Variants in GALK2 observed in about 807,000 individuals in gnomAD.
GALK2 encodes N-acetylgalactosamine kinase.
In GALK2, 36 loss-of-function variants were observed where a neutral mutation model predicts 52.4. The observed-to-expected ratio is 0.69, with a 90% CI of 0.53 to 0.91. GALK2 has a LOEUF of 0.91. Among genes scored for constraint, GALK2 ranks in the 40% least tolerant of loss-of-function variants. The pLI, the probability that GALK2 is intolerant of heterozygous loss-of-function variation, is 0.00. For missense variants in GALK2, 579 were observed against 559.1 expected, an observed-to-expected ratio of 1.04 and a Z score of -0.36; for synonymous variants, 176 against 199.1, an observed-to-expected ratio of 0.88 and a Z score of 0.98.
At chr15:49,173,402 A>G (rs1566902065) in intron 1 of GALK2, among the ~76,000 whole-genome samples, 1 of 152,220 alleles carries the variant, frequency 6.6e-6, no homozygotes. Context: ...CTATTCTACC[A>G]GTTGAGCTAG....
At chr15:49,183,887 A>G (rs998100017) in intron 1 of GALK2, among the ~76,000 whole-genome samples, 1 of 151,560 alleles carries the variant, frequency 6.6e-6, no homozygotes, top group African/African-American at 2.4e-5. Flanking sequence ...GGCCTAACAT[A>G]TGGTCTGTTT....
downstream of GALK2, chr15:49,335,413 A>G (rs769228649): frequency 4.4e-6 from 7 of 1,581,634 alleles, no homozygotes; most frequent in Admixed American, 1.7e-5. Flanking sequence ...TATAGCATCA[A>G]CTTACATCCT....
chr15:49,159,263 CTT>C (rs1287290192), intron 1 of GALK2, among the ~76,000 whole-genome samples: 1 of 152,158 alleles, frequency 6.6e-6, no homozygotes, highest in African/African-American at 2.4e-5. Flanking sequence ...CAGTGAATAT[CTT>C]TGAAATTTTA....
chr15:49,201,130 G>T (rs749013847), intron 1 of GALK2, 32 bp from the exon 2 acceptor site: 1 of 1,161,446 alleles, frequency 8.6e-7, no homozygotes, highest in Non-Finnish European at 1.3e-6. Context: ...TCTGTTATAT[G>T]ATATTCTGAA....
Position 49,329,473 on chromosome 15 carries a change from C to CAGAT in GALK2, c.*1315_*1318dup. The CAGAT allele has an allele frequency of 2.0e-6, 2 of 985,166 alleles. No individual in the cohort carries two copies. The highest frequency in any genetic ancestry group is 2.4e-6 in the Non-Finnish European group (2 of 829,718). 61.0% of individuals were successfully genotyped at this position (985,166 alleles called of 1,614,324 possible). On this transcript the variant is annotated 3_prime_UTR_variant, in exon 10 of 10. Coordinates refer to ENST00000560031, the MANE Select transcript of GALK2 (RefSeq NM_002044.4). ...CATTAGCTCATTAATGTTTAACTCA[C>CAGAT]AGATTGGGCATCACCATCTAGAATT...
At chr15:49,358,704 CA>C (rs1199700640) in intron 3 of GALK2, among the ~76,000 whole-genome samples, 4 of 151,246 alleles carry the variant, frequency 2.6e-5, no homozygotes, top group African/African-American at 7.3e-5. Context: ...ATCAAGCTAC[CA>C]ATGACTTTCT....
chr15:49,195,431 G>C (rs182174710), intron 1 of GALK2, among the ~76,000 whole-genome samples: 55 of 152,268 alleles, frequency 3.6e-4, no homozygotes, highest in Admixed American at 3.0e-3. Flanking sequence ...AATAGATTTT[G>C]CACGTTTATT....
intron 7 of GALK2, among the ~76,000 whole-genome samples, chr15:49,287,081 C>G (rs1314931431): frequency 2.6e-5 from 4 of 152,238 alleles, no homozygotes; most frequent in African/African-American, 7.2e-5. Flanking sequence ...TGAGAGTTAA[C>G]TAGAAAAAGG....
chr15:49,224,622 A>G (rs770237979), intron 3 of GALK2, among the ~76,000 whole-genome samples: 34 of 152,196 alleles, frequency 2.2e-4, no homozygotes, highest in Non-Finnish European at 4.3e-4. Flanking sequence ...ACTTTGTGGA[A>G]GATCAGATGG....
chr15:49,304,548 C>A (rs1596038975), intron 8 of GALK2, among the ~76,000 whole-genome samples: 1 of 152,184 alleles, frequency 6.6e-6, no homozygotes, highest in Non-Finnish European at 1.5e-5. Flanking sequence ...ACTGGCATCA[C>A]CCCTATGCTC....
rs960945286 is a variant in GALK2 at position 49,195,037 on chromosome 15, C to G, written c.54-6125C>G. The stretch of plus-strand genomic sequence containing the variant: ...TCTTTATGATGTTGTATCATCTTAT[C>G]CAAAACAGGGATATCTTTTCATTTC... On this transcript the variant is annotated intron_variant, in intron 1 of 9. Coordinates refer to ENST00000560031, the MANE Select transcript of GALK2 (RefSeq NM_002044.4). 2.7e-5 allele frequency: 12 copies of G among 446,852 alleles called. No individual in the cohort carries two copies. In the East Asian group the frequency reaches 8.9e-4, roughly 33 times the overall value. The allele number at this position is 446,852 out of a possible 1,614,324, so 27.7% of individuals were successfully genotyped here. A position where few individuals can be genotyped will look rare whatever the true frequency, so the allele number is the denominator to read the frequency against.
intron 8 of GALK2, among the ~76,000 whole-genome samples, chr15:49,297,210 T>G (rs2034556514): frequency 6.6e-6 from 1 of 152,246 alleles, no homozygotes; most frequent in Non-Finnish European, 1.5e-5. Context: ...ATATGCTTGT[T>G]GGCCATGTGT....
At chr15:49,203,858 C>T (rs556145132) in intron 2 of GALK2, among the ~76,000 whole-genome samples, 57 of 152,242 alleles carry the variant, frequency 3.7e-4, no homozygotes, top group Non-Finnish European at 5.3e-4. Flanking sequence ...CTCACACTTG[C>T]AATCCCAGCA....
At chr15:49,326,796 A>G (rs959928020) in intron 9 of GALK2, among the ~76,000 whole-genome samples, 3 of 152,166 alleles carry the variant, frequency 2.0e-5, no homozygotes, top group African/African-American at 7.2e-5. Flanking sequence ...ATTTTAATAT[A>G]TATAATAAAG....
chr15:49,355,445 A>G (rs544891596), intron 3 of GALK2, among the ~76,000 whole-genome samples: 4 of 152,370 alleles, frequency 2.6e-5, no homozygotes, highest in African/African-American at 9.6e-5. Flanking sequence ...TGAAGAATGC[A>G]GAAGCCTCAG....
intron 8 of GALK2, among the ~76,000 whole-genome samples, chr15:49,315,119 A>T (rs1033565930): frequency 7.3e-5 from 11 of 151,294 alleles, no homozygotes; most frequent in Non-Finnish European, 1.5e-4. Context: ...TCATGACTAG[A>T]TTCAGTAATT....
At chr15:49,326,309 G>T (rs1567067307) in intron 9 of GALK2, among the ~76,000 whole-genome samples, 2 of 135,674 alleles carry the variant, frequency 1.5e-5, no homozygotes, top group Non-Finnish European at 3.0e-5. Flanking sequence ...CACGCAGGCT[G>T]GAGTGCAGCG....
chr15:49,261,779 G>T (rs973770899), intron 5 of GALK2, among the ~76,000 whole-genome samples: 3 of 152,168 alleles, frequency 2.0e-5, no homozygotes, highest in Non-Finnish European at 2.9e-5. Context: ...TAGCATGAAG[G>T]GTTGTTGAAT....
At chr15:49,157,685 A>T (rs2084507350) in intron 1 of GALK2, among the ~76,000 whole-genome samples, 1 of 152,200 alleles carries the variant, frequency 6.6e-6, no homozygotes, top group South Asian at 2.1e-4. Context: ...TGTTAATGCT[A>T]GTTGAGAGAA....
Sources: gnomAD v4.1 joint callset for allele counts (sites outside exome capture counted in the v4.1 genomes callset) on GRCh38, gnomAD v4.1.1 for gene constraint, MANE v1.5 for transcripts, NCBI Gene and HGNC (gene_info 2026-07-23, HGNC 2026-07-21) for gene names.